The following HIVEP3 variants were observed in gnomAD, a reference collection of about 807,000 sequenced individuals.
HIVEP3 encodes the protein HIVEP zinc finger 3.
A neutral mutation model predicts 152.8 loss-of-function variants in HIVEP3; 49 were observed. The observed-to-expected ratio is 0.32, with a 90% CI of 0.26 to 0.41. The LOEUF (loss-of-function observed/expected upper bound fraction) is 0.41, where lower values mean the gene tolerates loss of function less well. HIVEP3 is among the 10% of genes least tolerant of loss of function. The pLI is 1.00. For missense variants in HIVEP3, 2,790 were observed against 3,103.3 expected (o/e 0.90, Z 2.40); for synonymous variants, 1,269 against 1,289.0 (o/e 0.98, Z 0.33).
chr1:41,536,952 G>A (rs1038201325), intron 5 of HIVEP3, among the ~76,000 whole-genome samples: 1 of 152,156 alleles, frequency 6.6e-6, no homozygotes, highest in African/African-American at 2.4e-5. Flanking sequence ...CTTAACTGCT[G>A]TGCAATTCTG....
At chr1:41,712,565 T>A (rs1047738069) in intron 1 of HIVEP3, among the ~76,000 whole-genome samples, 9 of 152,154 alleles carry the variant, frequency 5.9e-5, no homozygotes, top group Non-Finnish European at 7.3e-5. Flanking sequence ...ATGCTAACAG[T>A]GACAAATTAA....
intron 3 of HIVEP3, among the ~76,000 whole-genome samples, chr1:41,610,051 C>A (rs910379728): frequency 2.6e-5 from 4 of 152,214 alleles, no homozygotes; most frequent in Admixed American, 6.5e-5. Context: ...TGCAGACTAC[C>A]TTTAGCCTTG....
intron 1 of HIVEP3, among the ~76,000 whole-genome samples, chr1:41,910,412 G>T (rs1279120862): frequency 1.3e-5 from 2 of 151,886 alleles, no homozygotes; most frequent in African/African-American, 4.8e-5. Flanking sequence ...AATTGAATCA[G>T]AGGTTAAAAA....
chr1:41,909,510 A>G (rs1644764233), intron 1 of HIVEP3, among the ~76,000 whole-genome samples: 2 of 152,186 alleles, frequency 1.3e-5, no homozygotes, highest in South Asian at 4.1e-4. Flanking sequence ...AAGAAGAAAC[A>G]GAAAAATCTA....
chr1:41,985,563 G>A (rs35455895), intron 1 of HIVEP3, among the ~76,000 whole-genome samples: 13 of 152,234 alleles, frequency 8.5e-5, no homozygotes, highest in South Asian at 2.1e-4. Context: ...TCATGAGGGC[G>A]GATTAATTAA....
At chr1:42,010,670 G>A (rs188521776) in intron 1 of HIVEP3, among the ~76,000 whole-genome samples, 3 of 152,038 alleles carry the variant, frequency 2.0e-5, no homozygotes, top group African/African-American at 7.2e-5. Context: ...ATATTACTTT[G>A]CAGTGCTTTC....
Position 41,880,765 on chromosome 1 carries a change from C to G in HIVEP3, c.-801+37648G>C, listed in dbSNP as rs148374837. Among the ~76,000 whole-genome samples the G allele has an allele frequency of 7.6e-3, 1,156 of 152,278 alleles. 7 individuals are homozygous for G. Among genetic ancestry groups the G allele is most frequent in the Non-Finnish European group, 0.012 (800 of 68,014 alleles). On this transcript the variant is annotated intron_variant, in intron 1 of 8. Coordinates refer to ENST00000372583, the MANE Select transcript of HIVEP3 (RefSeq NM_024503.5). ...CCTCTGTGTGGCCTCCTTGCTCTCCCTGCACTGCCTTCAGATCTCCCAGTG... is the reference window on the plus strand; with the variant it reads ...CCTCTGTGTGGCCTCCTTGCTCTCCGTGCACTGCCTTCAGATCTCCCAGTG...
Position 41,580,558 on chromosome 1 carries a change from T to C in HIVEP3, c.4240A>G (p.Ser1414Gly), listed in dbSNP as rs781640270. The C allele has an allele frequency of 1.9e-6, 3 of 1,614,198 alleles. No homozygotes were observed. Among genetic ancestry groups the C allele is most frequent in the Non-Finnish European group, 2.5e-6 (3 of 1,180,040 alleles). The change falls in exon 4 of 9, where the codon AGT (serine) becomes GGT (glycine). Residue 1414 changes from serine (S) to glycine (G), a missense_variant. Physicochemically the swap from Ser to Gly is moderately conservative, Grantham distance 56 (BLOSUM62 0). This residue lies in a region of HIVEP3 where 1,078 missense variants were observed against 1,165.3 expected (regional missense o/e 0.93). Coordinates refer to ENST00000372583, the MANE Select transcript of HIVEP3 (RefSeq NM_024503.5). ...ERKGTSLSSE[S>G]ILSLEGSSST... The stretch of plus-strand genomic sequence containing the variant: ...GAACTCCCCTCCAGGCTCAAGATAC[T>C]CTCTGATGACAGGGAAGTGCCTTTT...
At chr1:41,604,360 C>T (rs1428719759) in intron 3 of HIVEP3, among the ~76,000 whole-genome samples, 1 of 152,120 alleles carries the variant, frequency 6.6e-6, no homozygotes, top group Non-Finnish European at 1.5e-5. Flanking sequence ...GAACAAAGTA[C>T]TGCTACAGAC....
chr1:41,767,458 A>C (rs1007371605), intron 1 of HIVEP3, among the ~76,000 whole-genome samples: 4 of 152,126 alleles, frequency 2.6e-5, no homozygotes, highest in African/African-American at 9.7e-5. Context: ...TGAGCAGCTG[A>C]GGCTTCCCAG....
intron 1 of HIVEP3, among the ~76,000 whole-genome samples, chr1:42,022,877 T>C (rs1332699485): frequency 6.6e-6 from 1 of 152,218 alleles, no homozygotes; most frequent in Non-Finnish European, 1.5e-5. Context: ...CATGGTGAGA[T>C]ATAATGATGA....
intron 1 of HIVEP3, among the ~76,000 whole-genome samples, chr1:41,872,458 C>T (rs1644099449): frequency 1.3e-5 from 2 of 152,174 alleles, no homozygotes; most frequent in South Asian, 4.1e-4. Flanking sequence ...GGTTGCAATT[C>T]ATCCACAAGA....
intron 1 of HIVEP3, among the ~76,000 whole-genome samples, chr1:41,801,576 A>G (rs1324066925): frequency 1.3e-5 from 2 of 152,130 alleles, no homozygotes; most frequent in African/African-American, 2.4e-5. Context: ...AGTTCTCCTT[A>G]TAATAATGCC....
intron 2 of HIVEP3, among the ~76,000 whole-genome samples, chr1:41,682,736 G>C (rs1055228499): frequency 6.6e-6 from 1 of 152,116 alleles, no homozygotes; most frequent in Non-Finnish European, 1.5e-5. Context: ...CTGCCTCTGA[G>C]ACCTCAGTAA....
At chr1:41,756,616 G>A (rs778167164) in intron 1 of HIVEP3, among the ~76,000 whole-genome samples, 3 of 151,992 alleles carry the variant, frequency 2.0e-5, no homozygotes, top group Non-Finnish European at 2.9e-5. Context: ...AAATAGACTA[G>A]GATAAATATA....
At position 41,664,016 on chromosome 1, in the gene HIVEP3, C is replaced by A. The variant is rs1645757370; in HGVS notation, c.-720-35069G>T. 6.6e-6 allele frequency among the ~76,000 whole-genome samples: 1 copy of A among 152,220 alleles called. No homozygotes were observed. The highest frequency in any genetic ancestry group is 2.1e-4 in the South Asian group (1 of 4,832). The stretch of plus-strand genomic sequence containing the variant: ...TCAGCCCATCCTGCCATTTGCCCAG[C>A]CACCACCCCCAACACGCACCACTTT... On this transcript the variant is annotated intron_variant, in intron 2 of 8. Transcript: ENST00000372583. The surrounding 1 kb of genome is among the most constrained non-coding windows in gnomAD (Gnocchi z 4.4).
At chr1:41,842,801 C>A (rs1489289421) in intron 1 of HIVEP3, among the ~76,000 whole-genome samples, 1 of 152,120 alleles carries the variant, frequency 6.6e-6, no homozygotes, top group Non-Finnish European at 1.5e-5. Flanking sequence ...TTTTGCCCCC[C>A]GCTTCTTGCT....
intron 2 of HIVEP3, among the ~76,000 whole-genome samples, chr1:41,675,388 T>C (rs2124078860): frequency 6.6e-6 from 1 of 152,198 alleles, no homozygotes; most frequent in Middle Eastern, 3.4e-3. Context: ...TCTTCAACCT[T>C]TCCATTTCCC....
chr1:41,659,985 TGTGA>T (rs1022531861), intron 2 of HIVEP3, among the ~76,000 whole-genome samples: 2 of 152,184 alleles, frequency 1.3e-5, no homozygotes, highest in Non-Finnish European at 2.9e-5. Flanking sequence ...GGAGCAGATG[TGTGA>T]GTATGAACAA....
Sources: gnomAD v4.1 joint callset for allele counts (sites outside exome capture counted in the v4.1 genomes callset) on GRCh38, gnomAD v4.1.1 for gene constraint, gnomAD v4.1.1 regional missense constraint, Gnocchi (gnomAD v3.1) non-coding constraint, MANE v1.5 for transcripts, NCBI Gene and HGNC (gene_info 2026-07-23, HGNC 2026-07-21) for gene names.